APOB: variants seen among roughly 807,000 people sequenced by gnomAD.
APOB encodes apolipoprotein B.
A neutral mutation model predicts 314.1 loss-of-function variants in APOB; 153 were observed. That is an observed-to-expected ratio of 0.49 (90% CI 0.43 to 0.56). The LOEUF is 0.56. Ranked by LOEUF, APOB falls within the 20% of genes least tolerant of loss-of-function variation. The probability of loss-of-function intolerance (pLI) is 0.00; values close to 1 mark genes in which losing one functional copy is unlikely to be tolerated. For synonymous variants in APOB, 2,087 were observed against 2,036.4 expected, an observed-to-expected ratio of 1.02 and a Z score of -0.67; for missense variants, 5,430 against 5,350.7, an observed-to-expected ratio of 1.01 and a Z score of -0.46.
Position 21,009,761 on chromosome 2 carries a change from C to G in APOB, c.7107G>C (p.Lys2369Asn). The change falls in exon 26 of 29, where the codon AAG becomes AAC. Residue 2369 changes from lysine (K) to asparagine (N), a missense_variant. This residue lies in a region of APOB where 3,281 missense variants were observed against 3,171.0 expected (regional missense o/e 1.03). Transcript: ENST00000233242. ...TTAGCTTCTGAATAGTCTCCTTCAA[C>G]TTGTATTGGTGGGCCAACTCTACTA... ...DKLVELAHQY[K>N]LKETIQKLSN... 1 of 1,613,984 alleles carries G rather than the reference C, an allele frequency of 6.2e-7. No homozygotes were observed. The highest frequency in any genetic ancestry group is 8.5e-7 in the Non-Finnish European group (1 of 1,179,964).
intron 26 of APOB, 92 bp from the exon 27 acceptor site, chr2:21,004,767 A>G: frequency 2.0e-6 from 2 of 992,240 alleles, no homozygotes; most frequent in Non-Finnish European, 3.2e-6. Context: ...TATCCTAACC[A>G]GATATTTCAC....
At chr2:21,024,878 T>TAA in intron 16 of APOB, 55 bp downstream of exon 16, 1 of 1,549,640 alleles carries the variant, frequency 6.5e-7, no homozygotes, top group Non-Finnish European at 8.9e-7. Flanking sequence ...CTGGGCGATC[T>TAA]AAAAAAAAAC....
At position 21,022,998 on chromosome 2, in the gene APOB, A is replaced by G; in HGVS notation, c.2649T>C (p.Phe883=). The G allele has an allele frequency of 6.2e-7, 1 of 1,614,200 alleles. No individual in the cohort carries two copies. Among genetic ancestry groups the G allele is most frequent in the East Asian group, 2.2e-5 (1 of 44,888 alleles). ...LVAKPSVSVE[F]VTNMGIIIPD... is the part of the protein sequence containing the mutation. ...GAATGATGATGCCCATATTTGTCAC[A>G]AACTCCACAGACACGGAGGGTTTTG... Residue 883 remains phenylalanine (F), a synonymous_variant, in exon 18 of 29, where the codon TTT becomes TTC. Coordinates refer to ENST00000233242, the MANE Select transcript of APOB (RefSeq NM_000384.3).
intron 20 of APOB, among the ~76,000 whole-genome samples, chr2:21,017,070 G>A (rs188845755): frequency 4.6e-5 from 7 of 151,638 alleles, no homozygotes; most frequent in African/African-American, 1.2e-4. Flanking sequence ...GAAGGAAAGA[G>A]AGGAAAAGGT....
chr2:21,011,725 G>C lies in APOB; in HGVS notation c.5143C>G (p.Gln1715Glu). ...LTELSLGSAY[Q>E]AMILGVDSKN... The stretch of plus-strand genomic sequence containing the variant: ...CTGTCGACACCCAGAATCATGGCCT[G>C]ATAAGCACTTCCCAGTGATAGCTCT... The change falls in exon 26 of 29, where the codon CAG becomes GAG. Residue 1715 changes from glutamine (Q) to glutamate (E), a missense_variant. By Grantham distance (29) the Gln-to-Glu change is conservative. This residue lies in a region of APOB where 2,085 missense variants were observed against 2,079.7 expected (regional missense o/e 1.00). Coordinates refer to ENST00000233242, the MANE Select transcript of APOB (RefSeq NM_000384.3). 1.2e-6 allele frequency: 2 copies of C among 1,614,170 alleles called. No individual in the cohort carries two copies. Among genetic ancestry groups the C allele is most frequent in the Non-Finnish European group, 1.7e-6 (2 of 1,180,032 alleles).
In APOB at chr2:21,013,267, G is replaced by C; in HGVS notation, c.4109C>G (p.Ser1370Cys). Residue 1370 changes from serine (S) to cysteine (C), a missense_variant, in exon 25 of 29, where the codon TCC becomes TGC. Coordinates refer to ENST00000233242, the MANE Select transcript of APOB (RefSeq NM_000384.3). The part of the protein sequence containing the change: ...TNVYSNLYNW[S>C]ASYSGGNTST... ...GGTGTTGCCACCACTGTAGGAGGCGGACCAGTTGTACAAGTTGCTGTAGAC... is the reference window on the plus strand; with the variant it reads ...GGTGTTGCCACCACTGTAGGAGGCGCACCAGTTGTACAAGTTGCTGTAGAC... The C allele has an allele frequency of 1.2e-6, 2 of 1,614,236 alleles. No individual in the cohort carries two copies. The highest frequency in any genetic ancestry group is 2.7e-5 in the African/African-American group (2 of 75,058).
rs768683621 is a variant in APOB, at chr2:21,032,233, A to G, written c.1352+121T>C. On this transcript the variant is annotated intron_variant, in intron 10 of 28. Transcript: ENST00000233242. ...TTACCCCAAAAATGATCAAGAAAAA[A>G]CACAAGAGTAAGGAGCAGAGTTTGA... 1,164 of 879,856 alleles carry G rather than the reference A, an allele frequency of 1.3e-3. 3 individuals are homozygous for G. The highest frequency in any genetic ancestry group is 1.6e-3 in the Non-Finnish European group (889 of 543,042). The allele number at this position is 879,856 out of a possible 1,614,324, so 54.5% of individuals were successfully genotyped here.
rs535864736 is a variant in APOB, at chr2:21,038,111, C to T, written c.384G>A (p.Arg128=). 5.6e-6 allele frequency: 9 copies of T among 1,613,766 alleles called. No individual in the cohort carries two copies. The Admixed American group carries it at 1.3e-4, about 24-fold the overall frequency. The change falls in exon 5 of 29, where the codon AGG becomes AGA. Residue 128 remains arginine, a splice_region_variant and synonymous_variant. Transcript: ENST00000233242. ...NSEEFAAAMS[R]YELKLAIPEG... ...CTGGAATGGCCAGCTTGAGCTCATA[C>T]CTGTCCCAGAGAGAGGATGGTCACG...
chr2:21,018,710 C>T (rs1663532086), intron 20 of APOB, among the ~76,000 whole-genome samples: 2 of 152,202 alleles, frequency 1.3e-5, no homozygotes, highest in South Asian at 4.1e-4. Context: ...CTGTTTTCCT[C>T]CTCAGTACTT....
At position 21,013,496 on chromosome 2, in the gene APOB, A is replaced by G. The variant is rs766984172; in HGVS notation, c.3880T>C (p.Leu1294=). 6.2e-7 allele frequency: 1 copy of G among 1,614,216 alleles called. No homozygotes were observed. The highest frequency in any genetic ancestry group is 8.5e-7 in the Non-Finnish European group (1 of 1,180,026). ...RVKYTLNKNS[L]KIEIPLPFGG... is the part of the protein sequence containing the mutation. ...AAAGGCAAAGGAATCTCAATTTTCA[A>G]ACTGTTCTTGTTCAAGGTATATTTG... is the stretch of plus-strand genomic sequence containing the variant. The change falls in exon 25 of 29, where the codon TTG becomes CTG. Residue 1294 remains leucine (L), a synonymous_variant. Transcript: ENST00000233242.
chr2:21,014,670 C>G, intron 23 of APOB, 77 bp from the exon 24 acceptor site: 2 of 1,476,084 alleles, frequency 1.4e-6, no homozygotes, highest in Non-Finnish European at 1.9e-6. Context: ...GGCAAAAATA[C>G]CGATTTGACA....
At chr2:21,022,487 A>G (rs1159313817) in intron 18 of APOB, among the ~76,000 whole-genome samples, 1 of 152,192 alleles carries the variant, frequency 6.6e-6, no homozygotes, top group Non-Finnish European at 1.5e-5. Context: ...TCCAAAGATG[A>G]TCTCTCCAGA....
intron 4 of APOB, among the ~76,000 whole-genome samples, chr2:21,039,965 G>A (rs1383923343): frequency 2.6e-5 from 4 of 152,184 alleles, no homozygotes; most frequent in African/African-American, 7.2e-5. Context: ...TTGGCTCTGC[G>A]TCCCCACCCA....
chr2:21,017,244 C>G (rs915795583), intron 20 of APOB, among the ~76,000 whole-genome samples: 2 of 151,804 alleles, frequency 1.3e-5, no homozygotes, highest in Non-Finnish European at 2.9e-5. Context: ...TGTTATGAGC[C>G]TATTGTGTGC....
chr2:21,023,699 A>T lies in APOB; in HGVS notation c.2437-7T>A. On this transcript the variant is annotated splice_polypyrimidine_tract_variant and splice_region_variant and intron_variant, in intron 16 of 28. Coordinates refer to ENST00000233242, the MANE Select transcript of APOB (RefSeq NM_000384.3). ...TCCTGATGACCTCTCCAATCTGTAGACCCAACAAGGGAGAGCAAATAAAAG... is the reference window on the plus strand; with the variant it reads ...TCCTGATGACCTCTCCAATCTGTAGTCCCAACAAGGGAGAGCAAATAAAAG... The T allele has an allele frequency of 6.2e-7, 1 of 1,603,460 alleles. No homozygotes were observed. Among genetic ancestry groups the T allele is most frequent in the Non-Finnish European group, 8.5e-7 (1 of 1,172,732 alleles).
In APOB at chr2:21,005,274, G is replaced by A. The variant is rs778882053; in HGVS notation, c.11594C>T (p.Pro3865Leu). The change falls in exon 26 of 29, where the codon CCC becomes CTC. Residue 3865 changes from proline to leucine, a missense_variant. By Grantham distance (98) the Pro-to-Leu change is moderately conservative. Around this residue, in one of 3 missense-constraint regions of APOB, gnomAD observed 3,281 missense variants for 3,171.0 expected, o/e 1.03. Coordinates refer to ENST00000233242, the MANE Select transcript of APOB (RefSeq NM_000384.3). ...AGCAGGTACAGAGAACTTAATGGAG[G>A]GAATCTCAATGGTCTGCTCAGGCAC... ...IIVPEQTIEIPSIKFSVPAGI... is the reference protein window; with the variant it reads ...IIVPEQTIEILSIKFSVPAGI... The A allele has an allele frequency of 1.2e-6, 2 of 1,614,058 alleles. No individual in the cohort carries two copies. Among genetic ancestry groups the A allele is most frequent in the Middle Eastern group, 3.3e-4 (2 of 6,060 alleles).
At position 21,027,990 on chromosome 2, in the gene APOB, C is replaced by A; in HGVS notation, c.1905G>T (p.Arg635=). 5 of 1,614,052 alleles carry A rather than the reference C, an allele frequency of 3.1e-6. No homozygotes were observed. The highest frequency in any genetic ancestry group is 4.2e-6 in the Non-Finnish European group (5 of 1,179,964). ...PTVMDFRKFS[R]NYQLYKSVSL... is the part of the protein sequence containing the mutation. ...AAACAGATTTGTAGAGTTGATAGTT[C>A]CGAGAGAATTTTCTGAAGTCCATGA... Residue 635 remains arginine, a synonymous_variant, in exon 14 of 29, where the codon CGG becomes CGT. Coordinates refer to ENST00000233242, the MANE Select transcript of APOB (RefSeq NM_000384.3).
At position 21,012,427 on chromosome 2, in the gene APOB, C is replaced by T. The variant is rs748985164; in HGVS notation, c.4441G>A (p.Val1481Ile). 1.8e-5 allele frequency: 29 copies of T among 1,614,072 alleles called. No homozygotes were observed. Among genetic ancestry groups the T allele is most frequent in the Middle Eastern group, 3.3e-4 (2 of 6,084 alleles). ...TGCCCATCAATCTTGACTTCTTTGA[C>T]AAACAAATGCTGTTTCTTTTTGGAG... ...LDSKKKQHLFVKEVKIDGQFR... is the reference protein window; with the variant it reads ...LDSKKKQHLFIKEVKIDGQFR... Residue 1481 changes from valine to isoleucine, a missense_variant, in exon 26 of 29, where the codon GTC becomes ATC. By Grantham distance (29) the Val-to-Ile change is conservative. Coordinates refer to ENST00000233242, the MANE Select transcript of APOB (RefSeq NM_000384.3).
chr2:21,040,983 A>G lies in APOB; in HGVS notation c.338T>C (p.Leu113Pro), dbSNP rs753318350. ...CTCCTCAGAGTTCTTGGTTTTCTTC[A>G]GCAAGGCTTTGCCCTCAGGGTTGAA... ...YGFNPEGKAL[L>P]KKTKNSEEFA... is the part of the protein sequence containing the mutation. Residue 113 changes from leucine (L) to proline (P), a missense_variant, in exon 4 of 29, where the codon CTG becomes CCG. This residue lies in a region of APOB where 2,085 missense variants were observed against 2,079.7 expected (regional missense o/e 1.00). Coordinates refer to ENST00000233242, the MANE Select transcript of APOB (RefSeq NM_000384.3). 6.2e-7 allele frequency: 1 copy of G among 1,614,086 alleles called. No individual in the cohort carries two copies. Among genetic ancestry groups the G allele is most frequent in the South Asian group, 1.1e-5 (1 of 91,058 alleles).
Sources: allele counts gnomAD v4.1 joint callset (sites outside exome capture counted in the v4.1 genomes callset), GRCh38; gene constraint gnomAD v4.1.1; regional missense constraint gnomAD v4.1.1; transcripts MANE v1.5; gene names NCBI Gene and HGNC (gene_info 2026-07-23, HGNC 2026-07-21).